Variants in PTPRK observed in about 807,000 individuals in gnomAD.
PTPRK encodes protein tyrosine phosphatase receptor type K, also known as receptor-type tyrosine-protein phosphatase kappa.
In PTPRK, 75 loss-of-function variants were observed where a neutral mutation model predicts 178.0. That is an observed-to-expected ratio of 0.42 (90% CI 0.35 to 0.51). The LOEUF is 0.51. PTPRK is among the 20% of genes least tolerant of loss of function. The probability of loss-of-function intolerance (pLI) is 0.02; values close to 1 mark genes in which losing one functional copy is unlikely to be tolerated. For synonymous variants in PTPRK, 637 were observed against 620.6 expected (o/e 1.03, Z -0.39); for missense variants, 1,441 against 1,797.8 (o/e 0.80, Z 3.59).
chr6:128,442,632 C>T (rs528077317), intron 1 of PTPRK, among the ~76,000 whole-genome samples: 251 of 152,296 alleles, frequency 1.6e-3, no homozygotes, highest in Non-Finnish European at 2.7e-3. Context: ...TTCTCCCACA[C>T]AGTGGTGAGC....
At chr6:127,971,283 C>T (rs1217502883) in intron 29 of PTPRK, among the ~76,000 whole-genome samples, 5 of 152,042 alleles carry the variant, frequency 3.3e-5, no homozygotes, top group Non-Finnish European at 5.9e-5. Context: ...TTAAAAATTC[C>T]CAACTCAGTT....
intron 3 of PTPRK, among the ~76,000 whole-genome samples, chr6:128,302,537 T>A (rs1315462304): frequency 1.3e-5 from 2 of 151,498 alleles, no homozygotes; most frequent in Non-Finnish European, 2.9e-5. Flanking sequence ...CTAAAGTCAA[T>A]AAATCTTTTA....
intron 3 of PTPRK, among the ~76,000 whole-genome samples, chr6:128,303,412 T>A (rs1445066056): frequency 6.6e-6 from 1 of 152,178 alleles, no homozygotes; most frequent in Non-Finnish European, 1.5e-5. Flanking sequence ...CCTTAGGGAG[T>A]GAAAGCGGCC....
intron 13 of PTPRK, among the ~76,000 whole-genome samples, chr6:128,057,134 GATTA>G (rs764545022): frequency 1.8e-4 from 27 of 152,082 alleles, no homozygotes; most frequent in Non-Finnish European, 3.1e-4. Flanking sequence ...TGTCAATAAT[GATTA>G]ATTTTCTAAT....
intron 7 of PTPRK, among the ~76,000 whole-genome samples, chr6:128,122,442 C>G (rs191658938): frequency 6.6e-6 from 1 of 152,090 alleles, no homozygotes; most frequent in South Asian, 2.1e-4. Flanking sequence ...ATCACAAGAA[C>G]CCCTCAGCAA....
intron 1 of PTPRK, among the ~76,000 whole-genome samples, chr6:128,448,048 G>A (rs867877918): frequency 5.3e-5 from 8 of 152,202 alleles, no homozygotes; most frequent in Middle Eastern, 3.4e-3. Flanking sequence ...TTTATGCTGT[G>A]GCAAATGCAA....
intron 1 of PTPRK, among the ~76,000 whole-genome samples, chr6:128,517,263 T>G (rs2128446633): frequency 6.6e-6 from 1 of 152,180 alleles, no homozygotes; most frequent in Non-Finnish European, 1.5e-5. Context: ...ATTACTTCAT[T>G]TAATCATAAA....
intron 3 of PTPRK, among the ~76,000 whole-genome samples, chr6:128,289,998 G>C (rs756660191): frequency 6.6e-6 from 1 of 152,118 alleles, no homozygotes; most frequent in Admixed American, 6.6e-5. Flanking sequence ...TTGTGAAGCA[G>C]TAACACAATC....
intron 2 of PTPRK, among the ~76,000 whole-genome samples, chr6:128,374,797 T>G (rs1836789029): frequency 6.6e-6 from 1 of 152,090 alleles, no homozygotes; most frequent in African/African-American, 2.4e-5. Context: ...ATTTAGAACT[T>G]TGTGAAGTAC....
intron 7 of PTPRK, among the ~76,000 whole-genome samples, chr6:128,102,103 C>T (rs1379774947): frequency 6.6e-6 from 1 of 152,094 alleles, no homozygotes; most frequent in Non-Finnish European, 1.5e-5. Context: ...AGAAATGGAG[C>T]TCAATAAATG....
At chr6:127,990,372 C>G (rs1776467061) in intron 21 of PTPRK, among the ~76,000 whole-genome samples, 2 of 152,064 alleles carry the variant, frequency 1.3e-5, no homozygotes, top group Admixed American at 6.6e-5. Flanking sequence ...TTTCAGGTCT[C>G]TACTCATATT....
intron 5 of PTPRK, among the ~76,000 whole-genome samples, chr6:128,235,778 C>T (rs1813137695): frequency 6.6e-6 from 1 of 152,000 alleles, no homozygotes; most frequent in Non-Finnish European, 1.5e-5. Flanking sequence ...TAGCCCCAAG[C>T]AGATGAACCT....
intron 3 of PTPRK, among the ~76,000 whole-genome samples, chr6:128,282,549 T>A (rs983256872): frequency 6.6e-6 from 1 of 152,232 alleles, no homozygotes; most frequent in African/African-American, 2.4e-5. Context: ...CAGAAGTTGA[T>A]AAAACCTGCT....
chr6:128,507,141 C>T (rs1856489724), intron 1 of PTPRK, among the ~76,000 whole-genome samples: 2 of 152,104 alleles, frequency 1.3e-5, no homozygotes, highest in Admixed American at 6.5e-5. Context: ...AATGTCCGCA[C>T]TCTTAAACAC....
At chr6:128,236,470 T>G (rs558593563) in intron 5 of PTPRK, among the ~76,000 whole-genome samples, 1 of 150,366 alleles carries the variant, frequency 6.7e-6, no homozygotes, top group Admixed American at 6.7e-5. Flanking sequence ...TGCCTCAGCC[T>G]GCCGAGTAGC....
chr6:127,983,926 C>G (rs146984113), intron 22 of PTPRK, among the ~76,000 whole-genome samples: 9 of 145,046 alleles, frequency 6.2e-5, no homozygotes, highest in African/African-American at 2.3e-4. Context: ...AAGAGAATGA[C>G]GGTTATCAAA....
At chr6:128,151,550 A>G (rs920279383) in intron 7 of PTPRK, among the ~76,000 whole-genome samples, 13 of 151,980 alleles carry the variant, frequency 8.6e-5, no homozygotes, top group African/African-American at 2.9e-4. Context: ...TGCAGATCAG[A>G]TAGTTATTTA....
intron 1 of PTPRK, among the ~76,000 whole-genome samples, chr6:128,441,865 C>G (rs1275921540): frequency 6.6e-6 from 1 of 152,038 alleles, no homozygotes; most frequent in Non-Finnish European, 1.5e-5. Flanking sequence ...AAAGAGAAGC[C>G]ATCAGAAAAG....
At chr6:128,272,727 G>A (rs1326225644) in intron 3 of PTPRK, among the ~76,000 whole-genome samples, 2 of 152,212 alleles carry the variant, frequency 1.3e-5, no homozygotes, top group Admixed American at 6.5e-5. Flanking sequence ...TGGAGAGGAT[G>A]TAGAGAAATA....
Sources: allele counts gnomAD v4.1 joint callset (sites outside exome capture counted in the v4.1 genomes callset), GRCh38; gene constraint gnomAD v4.1.1; transcripts MANE v1.5; gene names NCBI Gene and HGNC (gene_info 2026-07-23, HGNC 2026-07-21).